GRK5: variants seen among roughly 807,000 people sequenced by gnomAD.
The protein encoded by GRK5 is G protein-coupled receptor kinase 5.
A neutral mutation model predicts 78.4 loss-of-function variants in GRK5; 40 were observed. The observed-to-expected ratio is 0.51, with a 90% CI of 0.40 to 0.66. GRK5 has a LOEUF of 0.66. Among genes scored for constraint, GRK5 ranks in the 30% least tolerant of loss-of-function variants. The pLI is 0.00. For missense variants in GRK5, 598 were observed against 759.9 expected (o/e 0.79, Z 2.50); for synonymous variants, 289 against 296.8 (o/e 0.97, Z 0.27).
At position 119,238,998 on chromosome 10, in the gene GRK5, T is replaced by G. The variant is rs1369039950; in HGVS notation, c.52+31029T>G. ...TTTTCATTTAATTATATATATAGTT[T>G]TCTTTTTTGTAATCTAAATGACATG... On this transcript the variant is annotated intron_variant, in intron 1 of 15. Coordinates refer to ENST00000392870, the MANE Select transcript of GRK5 (RefSeq NM_005308.3). The surrounding 1 kb of genome is among the most constrained non-coding windows in gnomAD (Gnocchi z 4.7). 6.6e-6 allele frequency among the ~76,000 whole-genome samples: 1 copy of G among 152,102 alleles called. No homozygotes were observed. Among genetic ancestry groups the G allele is most frequent in the African/African-American group, 2.4e-5 (1 of 41,436 alleles).
In GRK5 at chr10:119,452,307, A is replaced by G. The variant is rs751920033; in HGVS notation, c.1405-364A>G. ...AGCCCACGTCTGTCCAGTATGGGTA[A>G]GGGAGTGATGGCAGGAATGAGCCCT... On this transcript the variant is annotated intron_variant, in intron 13 of 15. Transcript: ENST00000392870. This position sits in a 1 kb window ranked among gnomAD's most constrained non-coding sequence, Gnocchi z 4.4. 3.2e-5 allele frequency: 8 copies of G among 253,186 alleles called. No homozygotes were observed. Among genetic ancestry groups the G allele is most frequent in the Non-Finnish European group, 4.6e-5 (6 of 129,248 alleles). 15.7% of individuals were successfully genotyped at this position (253,186 alleles called of 1,614,324 possible). A position where few individuals can be genotyped will look rare whatever the true frequency, so the allele number is the denominator to read the frequency against.
intron 1 of GRK5, among the ~76,000 whole-genome samples, chr10:119,257,971 A>T (rs192950290): frequency 2.6e-5 from 4 of 152,254 alleles, no homozygotes; most frequent in Non-Finnish European, 5.9e-5. Flanking sequence ...TAATTTATAT[A>T]CAGTAACATC....
At chr10:119,363,247 C>T (rs1464443034) in intron 2 of GRK5, among the ~76,000 whole-genome samples, 1 of 151,144 alleles carries the variant, frequency 6.6e-6, no homozygotes, top group Non-Finnish European at 1.5e-5. Flanking sequence ...CATCACTGCA[C>T]TCCAGCCTCG....
rs549155330 is a variant in GRK5 at position 119,362,735 on chromosome 10, C to T, written c.149-18080C>T. Among the ~76,000 whole-genome samples the T allele has an allele frequency of 9.5e-4, 144 of 152,300 alleles. 1 individual carries two copies. The highest frequency in any genetic ancestry group is 2.4e-4 in the Non-Finnish European group (16 of 68,016). ...GGGGCTGCCCAAGAAGCATGGGACC[C>T]TTGGAGCCTTATTATAGCCCCATGG... is the stretch of plus-strand genomic sequence containing the variant. On this transcript the variant is annotated intron_variant, in intron 2 of 15. Coordinates refer to ENST00000392870, the MANE Select transcript of GRK5 (RefSeq NM_005308.3).
chr10:119,218,785 A>C (rs1292370862), intron 1 of GRK5, among the ~76,000 whole-genome samples: 1 of 152,208 alleles, frequency 6.6e-6, no homozygotes, highest in Non-Finnish European at 1.5e-5. Flanking sequence ...GTGTGTGTCT[A>C]ATGAATATGT....
At chr10:119,429,325 C>T (rs576562731) in intron 6 of GRK5, among the ~76,000 whole-genome samples, 5 of 151,366 alleles carry the variant, frequency 3.3e-5, no homozygotes, top group Non-Finnish European at 7.4e-5. Context: ...TGACTGAAGG[C>T]TCCCTGGTCA....
chr10:119,384,836 A>G (rs1252329363), intron 3 of GRK5, among the ~76,000 whole-genome samples: 1 of 152,246 alleles, frequency 6.6e-6, no homozygotes, highest in Admixed American at 6.5e-5. Context: ...CTCTGAGACC[A>G]TGAGCATCAT....
chr10:119,343,669 G>A (rs1257586836), intron 2 of GRK5, among the ~76,000 whole-genome samples: 1 of 152,236 alleles, frequency 6.6e-6, no homozygotes, highest in Non-Finnish European at 1.5e-5. Flanking sequence ...AGGTCATGAG[G>A]CAGAAGGTCA....
At chr10:119,321,414 G>A (rs1204203441) in intron 1 of GRK5, among the ~76,000 whole-genome samples, 1 of 152,190 alleles carries the variant, frequency 6.6e-6, no homozygotes, top group African/African-American at 2.4e-5. Context: ...GCATCAGCAG[G>A]GCTGTGTTCC....
intron 6 of GRK5, among the ~76,000 whole-genome samples, chr10:119,425,589 T>A (rs1852662719): frequency 6.6e-6 from 1 of 152,198 alleles, no homozygotes; most frequent in Non-Finnish European, 1.5e-5. Context: ...AAACCGTGAG[T>A]GCTGTTAAGC....
Position 119,442,006 on chromosome 10 carries a change from T to G in GRK5, c.975T>G (p.Ile325Met), listed in dbSNP as rs778166997. 6.2e-7 allele frequency: 1 copy of G among 1,613,868 alleles called. No homozygotes were observed. The highest frequency in any genetic ancestry group is 8.5e-7 in the Non-Finnish European group (1 of 1,179,816). ...CCCTGCTGTCCCCCTCAGGCCACAT[T>G]AGGATCTCAGACCTGGGCTTGGCTG... is the stretch of plus-strand genomic sequence containing the variant. The part of the protein sequence containing the change: ...ENILLDDYGH[I>M]RISDLGLAVK... Residue 325 changes from isoleucine to methionine, a missense_variant, in exon 11 of 16, where the codon ATT (isoleucine) becomes ATG (methionine). Coordinates refer to ENST00000392870, the MANE Select transcript of GRK5 (RefSeq NM_005308.3).
chr10:119,329,991 TAG>T (rs1850742201), intron 2 of GRK5, among the ~76,000 whole-genome samples: 1 of 151,196 alleles, frequency 6.6e-6, no homozygotes, highest in Non-Finnish European at 1.5e-5. Context: ...GACTCCCAAG[TAG>T]CTGGGATTAC....
intron 1 of GRK5, among the ~76,000 whole-genome samples, chr10:119,239,290 AGT>A (rs963030302): frequency 9.3e-5 from 14 of 150,702 alleles, no homozygotes; most frequent in Non-Finnish European, 1.6e-4. Flanking sequence ...GCTGGAGTAC[AGT>A]GGTGCAATCT....
intron 2 of GRK5, chr10:119,335,966 A>ATCATTGTCATCAGCATCG (rs1403568192): frequency 1.8e-4 from 28 of 152,416 alleles, no homozygotes; most frequent in African/African-American, 6.5e-4. Flanking sequence ...CACACAGGCC[A>ATCATTGTCATCAGCATCG]TCATTGTCAT....
chr10:119,249,810 C>T (rs1849172482), intron 1 of GRK5, among the ~76,000 whole-genome samples: 2 of 152,126 alleles, frequency 1.3e-5, no homozygotes, highest in Admixed American at 6.6e-5. Flanking sequence ...TGACTTTGAA[C>T]TTTTTAAATG....
intron 1 of GRK5, among the ~76,000 whole-genome samples, chr10:119,230,413 G>A (rs955247247): frequency 6.6e-6 from 1 of 152,122 alleles, no homozygotes; most frequent in Non-Finnish European, 1.5e-5. Flanking sequence ...CTACGTGGCT[G>A]GGAGGCCTCA....
chr10:119,388,345 G>A (rs969925524), intron 3 of GRK5, among the ~76,000 whole-genome samples: 6 of 151,714 alleles, frequency 4.0e-5, no homozygotes, highest in African/African-American at 1.5e-4. Context: ...TTTTGTTGTT[G>A]TTCTTTTTTG....
At chr10:119,317,511 G>C (rs546826527) in intron 1 of GRK5, among the ~76,000 whole-genome samples, 2 of 152,124 alleles carry the variant, frequency 1.3e-5, no homozygotes, top group Non-Finnish European at 2.9e-5. Context: ...CCTCAAGGCC[G>C]CAGCTGAGCA....
chr10:119,441,828 T>G (rs1326984561), intron 10 of GRK5, among the ~76,000 whole-genome samples, 171 bp from the exon 11 acceptor site: 1 of 152,206 alleles, frequency 6.6e-6, no homozygotes, highest in Non-Finnish European at 1.5e-5. Flanking sequence ...CTCCCACACC[T>G]GCACTCTCCC....
Sources: allele counts gnomAD v4.1 joint callset (sites outside exome capture counted in the v4.1 genomes callset), GRCh38; gene constraint gnomAD v4.1.1; non-coding constraint Gnocchi (gnomAD v3.1); transcripts MANE v1.5; gene names NCBI Gene and HGNC (gene_info 2026-07-23, HGNC 2026-07-21).